The following CPA6 variants were observed in gnomAD, a reference collection of about 807,000 sequenced individuals.
CPA6 encodes carboxypeptidase B.
CPA6 carries 58 observed loss-of-function variants against 63.3 expected under a neutral mutation model. The observed-to-expected ratio is 0.92, with a 90% CI of 0.74 to 1.14. The LOEUF is 1.14. Ranked by LOEUF, CPA6 falls within the 50% of genes most tolerant of loss-of-function variation. The pLI is 0.00. For synonymous variants in CPA6, 185 were observed against 179.0 expected, an observed-to-expected ratio of 1.03 and a Z score of -0.27; for missense variants, 565 against 526.6, an observed-to-expected ratio of 1.07 and a Z score of -0.71.
intron 8 of CPA6, among the ~76,000 whole-genome samples, chr8:67,450,519 T>C (rs890764677): frequency 6.6e-6 from 1 of 152,242 alleles, no homozygotes; most frequent in African/African-American, 2.4e-5. Context: ...GGAATTGCTA[T>C]CTTTTATCCT....
chr8:67,584,892 C>T (rs540967243), intron 2 of CPA6, among the ~76,000 whole-genome samples: 2 of 152,244 alleles, frequency 1.3e-5, no homozygotes, highest in South Asian at 2.1e-4. Flanking sequence ...TGTGGTTGTA[C>T]AGGACTGTTT....
chr8:67,473,218 C>G (rs2128959418), intron 8 of CPA6, among the ~76,000 whole-genome samples: 1 of 152,310 alleles, frequency 6.6e-6, no homozygotes, highest in African/African-American at 2.4e-5. Flanking sequence ...AGCCTGTGAT[C>G]TTCTACCCTA....
chr8:67,532,797 T>C (rs1812505676), intron 2 of CPA6, among the ~76,000 whole-genome samples: 2 of 152,198 alleles, frequency 1.3e-5, no homozygotes, highest in East Asian at 3.8e-4. Context: ...CCTTCCAATA[T>C]CTGGTGGTTG....
chr8:67,714,857 C>G (rs1196709652), intron 1 of CPA6, among the ~76,000 whole-genome samples: 3 of 152,106 alleles, frequency 2.0e-5, no homozygotes, highest in Non-Finnish European at 4.4e-5. Context: ...GTTGGGATCC[C>G]TTTCTACTCT....
intron 1 of CPA6, among the ~76,000 whole-genome samples, chr8:67,684,303 T>C (rs1410515227): frequency 6.6e-6 from 1 of 152,126 alleles, no homozygotes; most frequent in Non-Finnish European, 1.5e-5. Flanking sequence ...GATTATTGTC[T>C]GTCATGTGTC....
intron 2 of CPA6, among the ~76,000 whole-genome samples, chr8:67,527,019 T>TG (rs1812377679): frequency 6.6e-6 from 1 of 152,192 alleles, no homozygotes; most frequent in Admixed American, 6.5e-5. Context: ...ATTTTCAGCC[T>TG]GGCTCCGAGG....
At chr8:67,425,364 A>AATT (rs944174517) in intron 10 of CPA6, among the ~76,000 whole-genome samples, 1 of 151,818 alleles carries the variant, frequency 6.6e-6, no homozygotes, top group Non-Finnish European at 1.5e-5. Flanking sequence ...GTTAGGATGG[A>AATT]ATTATTATTA....
rs143893530 is a variant in CPA6 at position 67,579,865 on chromosome 8, G to T, written c.192+44311C>A. On this transcript the variant is annotated intron_variant, in intron 2 of 10. Coordinates refer to ENST00000297770, the MANE Select transcript of CPA6 (RefSeq NM_020361.5). Reference sequence around the variant, plus strand: ...TTTGGGGCTACAACATCAGAGTTGAGTGGTTAACACAGAGACCATATGGCC... The same window carrying T: ...TTTGGGGCTACAACATCAGAGTTGATTGGTTAACACAGAGACCATATGGCC... Among the ~76,000 whole-genome samples, 48 of 152,346 alleles carry T rather than the reference G, an allele frequency of 3.2e-4. No homozygotes were observed. In the East Asian group the frequency reaches 8.9e-3, roughly 28 times the overall value.
intron 8 of CPA6, among the ~76,000 whole-genome samples, chr8:67,443,854 C>T (rs1284849822): frequency 6.6e-6 from 1 of 152,116 alleles, no homozygotes; most frequent in African/African-American, 2.4e-5. Context: ...GTATTACGAA[C>T]GGTACCAACG....
chr8:67,677,437 G>T (rs765769375), intron 1 of CPA6, among the ~76,000 whole-genome samples: 7 of 149,442 alleles, frequency 4.7e-5, no homozygotes, highest in Non-Finnish European at 8.9e-5. Flanking sequence ...TCCCTATACG[G>T]TATAGTATAC....
At chr8:67,614,435 T>A (rs1329153387) in intron 2 of CPA6, among the ~76,000 whole-genome samples, 2 of 152,298 alleles carry the variant, frequency 1.3e-5, no homozygotes, top group East Asian at 3.9e-4. Context: ...ACTGTTTTTT[T>A]AAGTCTGTTT....
In CPA6 at chr8:67,656,355, A is replaced by G. The variant is rs1278242582; in HGVS notation, c.117-32104T>C. On this transcript the variant is annotated intron_variant, in intron 1 of 10. Coordinates refer to ENST00000297770, the MANE Select transcript of CPA6 (RefSeq NM_020361.5). Reference sequence around the variant, plus strand: ...TATTTGAGACATCTCTTTTTCCAGTATCCCATTCTACTCTCTTCAACTATT... The same window carrying G: ...TATTTGAGACATCTCTTTTTCCAGTGTCCCATTCTACTCTCTTCAACTATT... 3.3e-5 allele frequency among the ~76,000 whole-genome samples: 5 copies of G among 152,186 alleles called. No individual in the cohort carries two copies. In the East Asian group the frequency reaches 7.7e-4, roughly 23 times the overall value.
At chr8:67,680,213 G>A (rs1005144665) in intron 1 of CPA6, among the ~76,000 whole-genome samples, 19 of 152,152 alleles carry the variant, frequency 1.2e-4, no homozygotes, top group Admixed American at 3.3e-4. Flanking sequence ...AACTGTATAA[G>A]CTTTTCAGCT....
intron 6 of CPA6, among the ~76,000 whole-genome samples, chr8:67,487,716 T>C (rs367814241): frequency 3.0e-4 from 46 of 152,150 alleles, no homozygotes; most frequent in Non-Finnish European, 6.2e-4. Flanking sequence ...CTCTCCAGCA[T>C]CTGTTGTTTC....
At chr8:67,548,766 C>A (rs1001621440) in intron 2 of CPA6, among the ~76,000 whole-genome samples, 3 of 152,104 alleles carry the variant, frequency 2.0e-5, no homozygotes, top group African/African-American at 4.8e-5. Context: ...GGGTGGTAGG[C>A]AATGTTTGAG....
At chr8:67,648,513 C>CA (rs1450858589) in intron 1 of CPA6, among the ~76,000 whole-genome samples, 1 of 152,038 alleles carries the variant, frequency 6.6e-6, no homozygotes, top group Non-Finnish European at 1.5e-5. Context: ...ACCCTCATTG[C>CA]AAAGCAGCTT....
rs1362451608 is a variant in CPA6, at chr8:67,709,024, C to T, written c.116+36990G>A. On this transcript the variant is annotated intron_variant, in intron 1 of 10. Coordinates refer to ENST00000297770, the MANE Select transcript of CPA6 (RefSeq NM_020361.5). ...GATCAGCAGCTTCCTGATAAGCTCT[C>T]GGGAGTTGGGAAAGTGTGCTCAAGC... Among the ~76,000 whole-genome samples the T allele has an allele frequency of 1.2e-4, 19 of 152,080 alleles. No homozygotes were observed. In the East Asian group the frequency reaches 1.9e-3, roughly 15 times the overall value.
intron 8 of CPA6, among the ~76,000 whole-genome samples, chr8:67,472,731 A>G (rs909695505): frequency 2.3e-4 from 35 of 152,268 alleles, no homozygotes; most frequent in Admixed American, 1.3e-4. Context: ...CCTGGCTTGT[A>G]AAAGGTTTTT....
At chr8:67,579,316 G>A (rs1003674861) in intron 2 of CPA6, among the ~76,000 whole-genome samples, 5 of 152,170 alleles carry the variant, frequency 3.3e-5, no homozygotes, top group African/African-American at 1.2e-4. Flanking sequence ...GGGAGGCTGA[G>A]GCAAGAGAAT....
Sources: allele counts gnomAD v4.1 joint callset (sites outside exome capture counted in the v4.1 genomes callset), GRCh38; gene constraint gnomAD v4.1.1; transcripts MANE v1.5; gene names NCBI Gene and HGNC (gene_info 2026-07-23, HGNC 2026-07-21).